Variants in THTPA observed in about 807,000 individuals in gnomAD.
THTPA encodes thiamine-triphosphatase.
THTPA carries 16 observed loss-of-function variants against 16.5 expected under a neutral mutation model. The ratio of observed to expected loss-of-function variants is 0.97; its 90% confidence interval spans 0.66 to 1.47. THTPA has a LOEUF of 1.47. THTPA is among the 40% of genes most tolerant of loss of function. The pLI is 0.00. For synonymous variants in THTPA, 110 were observed against 115.5 expected, an observed-to-expected ratio of 0.95 and a Z score of 0.30; for missense variants, 281 against 280.9, an observed-to-expected ratio of 1.00 and a Z score of 0.00.
At chr14:23,533,179 A>G in the THTPA span, 1 of 1,441,454 alleles carries the variant, frequency 6.9e-7, no homozygotes, top group Non-Finnish European at 9.1e-7. The surrounding 1 kb of genome is among the most constrained non-coding windows in gnomAD (Gnocchi z 4.8). Context: ...GATAGTGCTC[A>G]GAGGGACTTA....
rs1050443075 is a variant in THTPA, at chr14:23,558,998, C to A, written c.*158C>A. 2.3e-6 allele frequency: 2 copies of A among 879,068 alleles called. No homozygotes were observed. Among genetic ancestry groups the A allele is most frequent in the Admixed American group, 5.8e-5 (2 of 34,196 alleles). The allele number at this position is 879,068 out of a possible 1,614,324, so 54.5% of individuals were successfully genotyped here. ...CTCCTCTAAGCTACTCTTCCTTGAG[C>A]CCTCCCTGGCTGCTTCCTCTCGCTC... On this transcript the variant is annotated 3_prime_UTR_variant, in exon 2 of 2. Transcript: ENST00000288014.
chr14:23,539,287 A>G, the THTPA span, among the ~76,000 whole-genome samples: 1 of 152,226 alleles, frequency 6.6e-6, no homozygotes, highest in Non-Finnish European at 1.5e-5. Flanking sequence ...GAAGGATGGA[A>G]GTGCTACTTT....
chr14:23,534,762 C>A, the THTPA span: 2 of 1,535,968 alleles, frequency 1.3e-6, no homozygotes, highest in Non-Finnish European at 1.7e-6. This position sits in a 1 kb window ranked among gnomAD's most constrained non-coding sequence, Gnocchi z 4.5. Flanking sequence ...TATCATGGGA[C>A]AGAATTTGGT....
In THTPA at chr14:23,559,997, C is replaced by T. The variant is rs141222237; in HGVS notation, c.*1157C>T. On this transcript the variant is annotated 3_prime_UTR_variant, in exon 2 of 2. Transcript: ENST00000288014. ...ATAGGAAGGCCACCCCGAGCTGGAA[C>T]TGTGTTCCCACTGGGGGCCTGCAGC... is the stretch of plus-strand genomic sequence containing the variant. The T allele has an allele frequency of 6.2e-7, 1 of 1,612,806 alleles. No individual in the cohort carries two copies. The highest frequency in any genetic ancestry group is 8.5e-7 in the Non-Finnish European group (1 of 1,179,396).
At chr14:23,523,162 A>T in the THTPA span, 1 of 1,408,160 alleles carries the variant, frequency 7.1e-7, no homozygotes, top group South Asian at 1.7e-5. The surrounding 1 kb of genome is among the most constrained non-coding windows in gnomAD (Gnocchi z 4.1). Context: ...TTAGAGGGGG[A>T]TGTTCTCTGA....
chr14:23,536,487 G>C, the THTPA span, among the ~76,000 whole-genome samples: 4 of 152,178 alleles, frequency 2.6e-5, no homozygotes, highest in African/African-American at 4.8e-5. Context: ...TCAGTTGAAA[G>C]ATAACAGCTA....
the THTPA span, chr14:23,533,553 C>T: frequency 1.3e-5 from 20 of 1,536,252 alleles, no homozygotes; most frequent in African/African-American, 2.6e-4. This position sits in a 1 kb window ranked among gnomAD's most constrained non-coding sequence, Gnocchi z 4.8. Context: ...GCATGTGCTT[C>T]TCAGAGGTCA....
chr14:23,532,679 A>G, the THTPA span: 2 of 1,521,734 alleles, frequency 1.3e-6, no homozygotes, highest in African/African-American at 2.7e-5. Context: ...TAGTGGGGAG[A>G]CAGACCCATA....
the THTPA span, among the ~76,000 whole-genome samples, chr14:23,541,028 T>C: frequency 2.0e-5 from 3 of 152,078 alleles, 1 homozygote; most frequent in South Asian, 6.2e-4. Flanking sequence ...TGCCATAGCC[T>C]CCCGAGTAGC....
chr14:23,517,238 T>C, the THTPA span, among the ~76,000 whole-genome samples: 3 of 152,226 alleles, frequency 2.0e-5, no homozygotes. Context: ...CACGCAATTT[T>C]ATCTTCTTCC....
chr14:23,534,083 G>T, the THTPA span: 1 of 1,508,704 alleles, frequency 6.6e-7, no homozygotes, highest in South Asian at 1.3e-5. This position sits in a 1 kb window ranked among gnomAD's most constrained non-coding sequence, Gnocchi z 4.5. Flanking sequence ...GGCTGGGGTG[G>T]GTCACTGGGG....
the THTPA span, chr14:23,525,750 G>A: frequency 1.5e-5 from 23 of 1,509,194 alleles, no homozygotes; most frequent in Middle Eastern, 6.9e-4. This position sits in a 1 kb window ranked among gnomAD's most constrained non-coding sequence, Gnocchi z 5.9. Context: ...GGAGGTTGGG[G>A]TGGAGGAGGA....
chr14:23,527,053 C>G, the THTPA span: 1 of 1,416,010 alleles, frequency 7.1e-7, no homozygotes, highest in Non-Finnish European at 9.2e-7. Flanking sequence ...TGCCCTACAC[C>G]TGTACTTGTG....
chr14:23,542,649 A>G, the THTPA span, among the ~76,000 whole-genome samples: 1 of 152,110 alleles, frequency 6.6e-6, no homozygotes, highest in African/African-American at 2.4e-5. Context: ...GCACTCAGGG[A>G]GTTGTCCCCT....
chr14:23,560,125 T>C lies in THTPA; in HGVS notation c.*1285T>C. 1.4e-6 allele frequency: 2 copies of C among 1,429,416 alleles called. No homozygotes were observed. Among genetic ancestry groups the C allele is most frequent in the Non-Finnish European group, 1.9e-6 (2 of 1,035,244 alleles). The allele number at this position is 1,429,416 out of a possible 1,614,324, so 88.5% of individuals were successfully genotyped here. On this transcript the variant is annotated 3_prime_UTR_variant, in exon 2 of 2. Transcript: ENST00000288014. Reference sequence around the variant, plus strand: ...ACTCAGTGGCTCCACACCCTTTTCCTGTAACTCCCCAAGTGCTGATCTCCA... The same window carrying C: ...ACTCAGTGGCTCCACACCCTTTTCCCGTAACTCCCCAAGTGCTGATCTCCA...
chr14:23,526,119 G>A, the THTPA span: 9 of 1,536,370 alleles, frequency 5.9e-6, no homozygotes, highest in African/African-American at 2.7e-5. Context: ...CCCCGAGAGC[G>A]AGTCTGATGC....
chr14:23,529,511 G>C, the THTPA span: 1 of 590,936 alleles, frequency 1.7e-6, no homozygotes. Flanking sequence ...ATCTCCCTCT[G>C]TGCTTGACCC....
chr14:23,536,086 C>G, the THTPA span, among the ~76,000 whole-genome samples: 6 of 152,186 alleles, frequency 3.9e-5, no homozygotes, highest in East Asian at 9.6e-4. Context: ...CTAACACCAT[C>G]CTGGGGCCCG....
chr14:23,520,881 T>G, the THTPA span: 1 of 152,086 alleles, frequency 6.6e-6, no homozygotes, highest in African/African-American at 2.4e-5. This position sits in a 1 kb window ranked among gnomAD's most constrained non-coding sequence, Gnocchi z 8.7. Flanking sequence ...TTCCTTTTTT[T>G]TTTTTTCTGT....
Sources: gnomAD v4.1 joint callset for allele counts (sites outside exome capture counted in the v4.1 genomes callset) on GRCh38, gnomAD v4.1.1 for gene constraint, Gnocchi (gnomAD v3.1) non-coding constraint, MANE v1.5 for transcripts, NCBI Gene and HGNC (gene_info 2026-07-23, HGNC 2026-07-21) for gene names.